Variants in ARHGEF38 observed in about 807,000 individuals in gnomAD.
ARHGEF38 encodes the protein Rho guanine nucleotide exchange factor (GEF) 38.
A neutral mutation model predicts 79.9 loss-of-function variants in ARHGEF38; 79 were observed. That is an observed-to-expected ratio of 0.99 (90% CI 0.82 to 1.19). ARHGEF38 has a LOEUF of 1.19. ARHGEF38 is among the 50% of genes most tolerant of loss of function. ARHGEF38 has a pLI of 0.00. For synonymous variants in ARHGEF38, 366 were observed against 328.3 expected, an observed-to-expected ratio of 1.11 and a Z score of -1.24; for missense variants, 962 against 907.2, an observed-to-expected ratio of 1.06 and a Z score of -0.78.
At chr4:105,608,186 A>G (rs1728136268) in intron 2 of ARHGEF38, among the ~76,000 whole-genome samples, 1 of 152,072 alleles carries the variant, frequency 6.6e-6, no homozygotes, top group African/African-American at 2.4e-5. Context: ...TCCTACCAAC[A>G]GTGTGCAAGA....
chr4:105,590,154 A>AAGAAAGAG (rs1295490338), intron 2 of ARHGEF38, among the ~76,000 whole-genome samples: 1 of 150,376 alleles, frequency 6.6e-6, no homozygotes, highest in African/African-American at 2.4e-5. Flanking sequence ...GAAAGAAAGA[A>AAGAAAGAG]AGAGAGAGAG....
chr4:105,568,484 T>G (rs1045977506), intron 1 of ARHGEF38, among the ~76,000 whole-genome samples: 4 of 152,104 alleles, frequency 2.6e-5, no homozygotes, highest in African/African-American at 9.7e-5. Flanking sequence ...GCCATCCCAT[T>G]ACTGGGTATA....
Position 105,552,761 on chromosome 4 carries a change from C to T in ARHGEF38, c.-5C>T. The T allele has an allele frequency of 6.2e-7, 1 of 1,605,278 alleles. No individual in the cohort carries two copies. Among genetic ancestry groups the T allele is most frequent in the Non-Finnish European group, 8.5e-7 (1 of 1,176,630 alleles). On this transcript the variant is annotated 5_prime_UTR_variant, in exon 1 of 14. Coordinates refer to ENST00000420470, the MANE Select transcript of ARHGEF38 (RefSeq NM_001242729.2). ...GCAAGCCTCCAAAGCTTGTCTTTGC[C>T]TAATATGGAGCCCAAAGAAGCCACT...
intron 1 of ARHGEF38, 41 bp downstream of exon 1, chr4:105,553,002 C>T: frequency 2.0e-6 from 3 of 1,486,682 alleles, no homozygotes; most frequent in Non-Finnish European, 1.8e-6. Flanking sequence ...ACTGCACTCC[C>T]AGCTCCATTT....
chr4:105,577,043 T>C (rs1346515308), intron 1 of ARHGEF38, among the ~76,000 whole-genome samples: 1 of 152,050 alleles, frequency 6.6e-6, no homozygotes, highest in Non-Finnish European at 1.5e-5. Context: ...ATTTTGCATC[T>C]ATGTTCAAAA....
At chr4:105,643,140 T>TTTCAGTATAAATACTGAAAACAG (rs1560741828) in intron 5 of ARHGEF38, among the ~76,000 whole-genome samples, 3 of 151,704 alleles carry the variant, frequency 2.0e-5, no homozygotes, top group African/African-American at 7.3e-5. Flanking sequence ...TTAGTTTTTT[T>TTTCAGTATAAATACTGAAAACAG]TTTTCAGTAT....
intron 1 of ARHGEF38, among the ~76,000 whole-genome samples, chr4:105,567,552 T>C (rs1553936383): frequency 2.0e-5 from 3 of 152,188 alleles, no homozygotes; most frequent in Non-Finnish European, 4.4e-5. Context: ...TGCCCCTTGA[T>C]TGTTAAGTGG....
chr4:105,640,574 A>C (rs572523259), intron 5 of ARHGEF38, among the ~76,000 whole-genome samples: 1 of 152,174 alleles, frequency 6.6e-6, no homozygotes, highest in South Asian at 2.1e-4. Flanking sequence ...CCCTCCCATC[A>C]TCCTGGAGAT....
At chr4:105,660,149 G>T (rs763279241) in intron 10 of ARHGEF38, among the ~76,000 whole-genome samples, 1 of 151,826 alleles carries the variant, frequency 6.6e-6, no homozygotes, top group Non-Finnish European at 1.5e-5. Flanking sequence ...TTGAATAAAC[G>T]AGGGCTATGT....
chr4:105,677,840 G>T lies in ARHGEF38; in HGVS notation c.2237G>T (p.Cys746Phe), dbSNP rs1054327920. The change falls in exon 14 of 14, where the codon TGT (cysteine) becomes TTT (phenylalanine). Residue 746 changes from cysteine to phenylalanine, a missense_variant. By Grantham distance (205) the Cys-to-Phe change is radical (BLOSUM62 -2). Coordinates refer to ENST00000420470, the MANE Select transcript of ARHGEF38 (RefSeq NM_001242729.2). ...EYQRVHILRF[C>F]DLSGNKEWWL... is the part of the protein sequence containing the mutation. ...CAGAGAGTTCATATACTCAGGTTTTGTGACCTAAGTGGCAATAAAGAGTGG... is the reference window on the plus strand; with the variant it reads ...CAGAGAGTTCATATACTCAGGTTTTTTGACCTAAGTGGCAATAAAGAGTGG... The T allele has an allele frequency of 6.5e-7, 1 of 1,535,526 alleles. No individual in the cohort carries two copies. Among genetic ancestry groups the T allele is most frequent in the Admixed American group, 2.0e-5 (1 of 50,984 alleles).
intron 1 of ARHGEF38, among the ~76,000 whole-genome samples, chr4:105,565,769 C>T (rs940668348): frequency 1.3e-5 from 2 of 152,112 alleles, no homozygotes; most frequent in African/African-American, 4.8e-5. Flanking sequence ...TCTACCTGCT[C>T]TTTTCCTGTT....
In ARHGEF38 at chr4:105,646,184, A is replaced by C. The variant is rs571435610; in HGVS notation, c.874+797A>C. On this transcript the variant is annotated intron_variant, in intron 6 of 13. Transcript: ENST00000420470. Reference sequence around the variant, plus strand: ...ATTTTTGTTTTATTTTCTGATGTTTATTTCAAAAGTCATATATTTGTATTA... The same window carrying C: ...ATTTTTGTTTTATTTTCTGATGTTTCTTTCAAAAGTCATATATTTGTATTA... Among the ~76,000 whole-genome samples the C allele has an allele frequency of 8.5e-5, 13 of 152,306 alleles. No homozygotes were observed. The South Asian group carries it at 2.7e-3, about 32-fold the overall frequency.
chr4:105,666,446 A>C, intron 11 of ARHGEF38, 126 bp downstream of exon 11: 2 of 1,119,342 alleles, frequency 1.8e-6, no homozygotes, highest in Non-Finnish European at 2.4e-6. Flanking sequence ...TATGTGTAGA[A>C]TTTCTTGTAC....
chr4:105,594,236 T>C (rs537485733), intron 2 of ARHGEF38, among the ~76,000 whole-genome samples: 1 of 152,284 alleles, frequency 6.6e-6, no homozygotes, highest in East Asian at 1.9e-4. Context: ...TTTATATGAG[T>C]GCTGAGGTAG....
intron 2 of ARHGEF38, among the ~76,000 whole-genome samples, chr4:105,592,538 C>A (rs1419047256): frequency 6.6e-6 from 1 of 152,024 alleles, no homozygotes; most frequent in Non-Finnish European, 1.5e-5. Flanking sequence ...ACCTCAATTC[C>A]TTTTTCTCTC....
chr4:105,678,241 G>A lies in ARHGEF38; in HGVS notation c.*304G>A, dbSNP rs1731186921. ...AGTAATTATATTCTTTTATCATCAA[G>A]AAAGGTTGGATCCAAAGGTTTTTCA... On this transcript the variant is annotated 3_prime_UTR_variant, in exon 14 of 14. Transcript: ENST00000420470. The A allele has an allele frequency of 8.8e-6, 2 of 226,984 alleles. No individual in the cohort carries two copies. The highest frequency in any genetic ancestry group is 2.3e-5 in the African/African-American group (1 of 44,240). The allele number at this position is 226,984 out of a possible 1,614,324, so 14.1% of individuals were successfully genotyped here. A position where few individuals can be genotyped will look rare whatever the true frequency, so the allele number is the denominator to read the frequency against.
intron 4 of ARHGEF38, among the ~76,000 whole-genome samples, chr4:105,635,609 C>T (rs1019471659): frequency 4.6e-5 from 7 of 151,922 alleles, no homozygotes; most frequent in African/African-American, 1.7e-4. Flanking sequence ...GATTTTCTGA[C>T]CTATGACGCA....
At chr4:105,661,357 T>C (rs1730554417) in intron 10 of ARHGEF38, among the ~76,000 whole-genome samples, 1 of 152,002 alleles carries the variant, frequency 6.6e-6, no homozygotes, top group South Asian at 2.1e-4. Context: ...AATTTCTGGA[T>C]CATATGTTAA....
chr4:105,643,969 C>A (rs1008587020), intron 5 of ARHGEF38, among the ~76,000 whole-genome samples: 3 of 147,450 alleles, frequency 2.0e-5, no homozygotes, highest in South Asian at 2.1e-4. Context: ...CCAGCTTAAG[C>A]AATCTGCCCA....
Sources: allele counts gnomAD v4.1 joint callset (sites outside exome capture counted in the v4.1 genomes callset), GRCh38; gene constraint gnomAD v4.1.1; transcripts MANE v1.5; gene names NCBI Gene and HGNC (gene_info 2026-07-23, HGNC 2026-07-21).